Variants in OTUD3 observed in about 807,000 individuals in gnomAD.
OTUD3 encodes OTU domain-containing protein 3.
In OTUD3, 24 loss-of-function variants were observed where a neutral mutation model predicts 46.2. The ratio of observed to expected loss-of-function variants is 0.52; its 90% CI spans 0.38 to 0.73. OTUD3 has a LOEUF of 0.73. Ranked by LOEUF, OTUD3 falls within the 30% of genes least tolerant of loss-of-function variation. The pLI is 0.00. For missense variants in OTUD3, 455 were observed against 523.3 expected, an observed-to-expected ratio of 0.87 and a Z score of 1.27; for synonymous variants, 189 against 195.4, an observed-to-expected ratio of 0.97 and a Z score of 0.27.
chr1:19,900,875 G>A (rs112552137), intron 4 of OTUD3, among the ~76,000 whole-genome samples: 4,728 of 144,398 alleles, frequency 0.033, 108 homozygotes, highest in Non-Finnish European at 0.049. Context: ...TAGAATCAAT[G>A]TGTCTAGTTC....
chr1:19,901,856 T>G (rs1221252239), intron 4 of OTUD3, among the ~76,000 whole-genome samples: 1 of 152,252 alleles, frequency 6.6e-6, no homozygotes, highest in Non-Finnish European at 1.5e-5. Flanking sequence ...TCATTCTTTT[T>G]TATGGCTGAA....
chr1:19,906,300 A>G, intron 6 of OTUD3, 132 bp from the exon 7 acceptor site: 2 of 708,878 alleles, frequency 2.8e-6, no homozygotes, highest in Non-Finnish European at 4.4e-6. Context: ...TTGACATTCG[A>G]ATTTGTCTCA....
chr1:19,906,656 T>C, intron 7 of OTUD3, 40 bp downstream of exon 7: 1 of 1,499,544 alleles, frequency 6.7e-7, no homozygotes, highest in Non-Finnish European at 9.1e-7. Flanking sequence ...GGTGGGCAGG[T>C]GTAATTCTGT....
chr1:19,905,159 CA>C (rs2045641916), intron 6 of OTUD3, among the ~76,000 whole-genome samples, 172 bp downstream of exon 6: 1 of 152,072 alleles, frequency 6.6e-6, no homozygotes, highest in African/African-American at 2.4e-5. Context: ...GTCTCTGCTT[CA>C]GGGGGAGTAT....
intron 7 of OTUD3, 66 bp downstream of exon 7, chr1:19,906,682 T>C: frequency 7.7e-7 from 1 of 1,306,510 alleles, no homozygotes; most frequent in South Asian, 1.5e-5. Context: ...TGGTGGTAGC[T>C]TGAGATTAAT....
intron 3 of OTUD3, among the ~76,000 whole-genome samples, chr1:19,895,666 G>A (rs1280231497): frequency 1.3e-5 from 2 of 152,128 alleles, no homozygotes; most frequent in Non-Finnish European, 2.9e-5. Flanking sequence ...GTGTTCTTTG[G>A]GGCAGTGTTG....
rs1424272552 is a variant in OTUD3 at position 19,910,392 on chromosome 1, T to C, written c.*2646T>C. ...ATAAAGGTTTTACGGATTTTGAAAA[T>C]ATTTTTTTTTAGAGGTCAAAATAAA... is the stretch of plus-strand genomic sequence containing the variant. On this transcript the variant is annotated 3_prime_UTR_variant, in exon 8 of 8. Transcript: ENST00000375120. 1 of 152,308 alleles carries C rather than the reference T, an allele frequency of 6.6e-6. No individual in the cohort carries two copies. Among genetic ancestry groups the C allele is most frequent in the Non-Finnish European group, 1.5e-5 (1 of 68,034 alleles). The allele number at this position is 152,308 out of a possible 1,614,324, so 9.4% of individuals were successfully genotyped here.
chr1:19,882,529 GC>G lies in OTUD3; in HGVS notation c.17del (p.Ala6GlyfsTer60). On this transcript the variant is annotated frameshift_variant, in exon 1 of 8. Coordinates refer to ENST00000375120, the MANE Select transcript of OTUD3 (RefSeq NM_015207.2). LOFTEE classifies it high-confidence loss of function. Reference protein sequence around the residue: MSRKQAAKSRPGSGSR... With the variant: MSRKQXAKSRPGSGSR... ...GGCTAAGGCCATGTCCCGAAAGCAG[GC>G]GGCGAAGAGCCGGCCGGGCAGCGGC... The G allele has an allele frequency of 7.4e-7, 1 of 1,344,400 alleles. No individual in the cohort carries two copies. Among genetic ancestry groups the G allele is most frequent in the Non-Finnish European group, 9.5e-7 (1 of 1,056,278 alleles). The allele number at this position is 1,344,400 out of a possible 1,614,324, so 83.3% of individuals were successfully genotyped here.
chr1:19,904,960 C>T lies in OTUD3; in HGVS notation c.808C>T (p.Leu270Phe), dbSNP rs532238566. 2.9e-5 allele frequency: 46 copies of T among 1,586,306 alleles called. No individual in the cohort carries two copies. The African/African-American group carries it at 5.8e-4, about 20-fold the overall frequency. Residue 270 changes from leucine (L) to phenylalanine (F), a missense_variant, in exon 6 of 8, where the codon CTT becomes TTT. By Grantham distance (22) the Leu-to-Phe change is conservative. Transcript: ENST00000375120. ...TATTGAATCTGCAATAATTGCCGTG[C>T]TTCGGATGAACCAAGGGAAGAGAAA... Reference protein sequence around the residue: ...YNIESAIIAVLRMNQGKRNNA... With the variant: ...YNIESAIIAVFRMNQGKRNNA...
At chr1:19,899,794 A>G (rs2045562274) in intron 4 of OTUD3, among the ~76,000 whole-genome samples, 1 of 152,176 alleles carries the variant, frequency 6.6e-6, no homozygotes, top group Non-Finnish European at 1.5e-5. Flanking sequence ...TTGTTAGGGG[A>G]AAAATTGTTT....
At chr1:19,889,610 A>G (rs1410096229) in intron 1 of OTUD3, among the ~76,000 whole-genome samples, 2 of 152,258 alleles carry the variant, frequency 1.3e-5, no homozygotes, top group African/African-American at 4.8e-5. Flanking sequence ...TGTGTTTGTG[A>G]TAGTTCGGAA....
intron 3 of OTUD3, among the ~76,000 whole-genome samples, chr1:19,895,678 G>A (rs1344196717): frequency 2.0e-5 from 3 of 152,150 alleles, no homozygotes; most frequent in Admixed American, 6.5e-5. Flanking sequence ...GCAGTGTTGC[G>A]GATGTCCTGA....
At chr1:19,884,947 CCTT>C (rs1210343064) in intron 1 of OTUD3, among the ~76,000 whole-genome samples, 1 of 152,110 alleles carries the variant, frequency 6.6e-6, no homozygotes, top group Non-Finnish European at 1.5e-5. Context: ...GCCAGGAAGT[CCTT>C]CTCGTTCATT....
At chr1:19,905,257 C>T (rs184017690) in intron 6 of OTUD3, among the ~76,000 whole-genome samples, 7 of 151,924 alleles carry the variant, frequency 4.6e-5, no homozygotes, top group East Asian at 1.9e-4. Context: ...TGCTGGGGGA[C>T]GCATCAGGGA....
intron 1 of OTUD3, among the ~76,000 whole-genome samples, chr1:19,887,743 T>A (rs2045387797): frequency 6.6e-6 from 1 of 152,208 alleles, no homozygotes; most frequent in Admixed American, 6.5e-5. Flanking sequence ...CAAACATCAC[T>A]AGTAGTTCTT....
In OTUD3 at chr1:19,909,693, A is replaced by G. The variant is rs1214771458; in HGVS notation, c.*1947A>G. ...AGAAATTCAGATTAGCAGTCAGCTT[A>G]AGAGAGACTTATTGTCAGAAGTAGT... On this transcript the variant is annotated 3_prime_UTR_variant, in exon 8 of 8. Transcript: ENST00000375120. 1 of 152,386 alleles carries G rather than the reference A, an allele frequency of 6.6e-6. No individual in the cohort carries two copies. Among genetic ancestry groups the G allele is most frequent in the Non-Finnish European group, 1.5e-5 (1 of 68,048 alleles). 9.4% of individuals were successfully genotyped at this position (152,386 alleles called of 1,614,324 possible). A position where few individuals can be genotyped will look rare whatever the true frequency, so the allele number is the denominator to read the frequency against.
At chr1:19,897,977 T>C (rs1222835935) in intron 4 of OTUD3, among the ~76,000 whole-genome samples, 7 of 151,848 alleles carry the variant, frequency 4.6e-5, no homozygotes, top group South Asian at 2.1e-4. Context: ...GAGATGGAGT[T>C]TCGCTCTTGT....
intron 7 of OTUD3, chr1:19,906,887 A>C: frequency 3.7e-6 from 1 of 273,086 alleles, no homozygotes; most frequent in East Asian, 7.3e-5. Flanking sequence ...ATTACTGTAC[A>C]TGTGGGCTCT....
At chr1:19,903,736 G>A (rs538752531) in intron 4 of OTUD3, among the ~76,000 whole-genome samples, 1 of 152,274 alleles carries the variant, frequency 6.6e-6, no homozygotes, top group Admixed American at 6.5e-5. Context: ...GGGTGTGGTG[G>A]TATGTACCTG....
Sources: gnomAD v4.1 joint callset for allele counts (sites outside exome capture counted in the v4.1 genomes callset) on GRCh38, gnomAD v4.1.1 for gene constraint, MANE v1.5 for transcripts, NCBI Gene and HGNC (gene_info 2026-07-23, HGNC 2026-07-21) for gene names.